The following APAF1 variants were observed in gnomAD, a reference collection of about 807,000 sequenced individuals.
The protein encoded by APAF1 is apoptotic peptidase activating factor 1.
In APAF1, 91 loss-of-function variants were observed where a neutral mutation model predicts 152.4. That is an observed-to-expected ratio of 0.60 (90% CI 0.50 to 0.71). APAF1 has a LOEUF of 0.71. Ranked by LOEUF, APAF1 falls within the 30% of genes least tolerant of loss-of-function variation. The pLI, the probability that APAF1 is intolerant of heterozygous loss-of-function variation, is 0.00. For synonymous variants in APAF1, 484 were observed against 494.1 expected (o/e 0.98, Z 0.27); for missense variants, 1,283 against 1,472.0 (o/e 0.87, Z 2.10).
intron 25 of APAF1, 93 bp from the exon 26 acceptor site, chr12:98,727,080 T>C: frequency 1.7e-6 from 2 of 1,188,790 alleles, no homozygotes; most frequent in Non-Finnish European, 2.4e-6. Context: ...GTAAAATAAT[T>C]TTAGAATACA....
intron 5 of APAF1, among the ~76,000 whole-genome samples, chr12:98,661,041 A>G (rs2097664448): frequency 6.6e-6 from 1 of 152,202 alleles, no homozygotes; most frequent in Non-Finnish European, 1.5e-5. Context: ...AGCTGGGACT[A>G]CAGGCTCCCC....
chr12:98,679,652 T>C (rs961833790), intron 13 of APAF1, among the ~76,000 whole-genome samples: 1 of 152,244 alleles, frequency 6.6e-6, no homozygotes, highest in African/African-American at 2.4e-5. Flanking sequence ...GCTAGGGCTG[T>C]GACTCCCTCT....
At chr12:98,658,774 C>G (rs1196678595) in intron 4 of APAF1, among the ~76,000 whole-genome samples, 2 of 152,104 alleles carry the variant, frequency 1.3e-5, no homozygotes, top group Admixed American at 1.3e-4. Flanking sequence ...ACCAAAAAGG[C>G]TGTTAAACAT....
chr12:98,698,121 T>G (rs1455125735), intron 16 of APAF1, among the ~76,000 whole-genome samples: 1 of 152,246 alleles, frequency 6.6e-6, no homozygotes, highest in African/African-American at 2.4e-5. Flanking sequence ...AATTTAGACA[T>G]GTATAATCAA....
intron 14 of APAF1, among the ~76,000 whole-genome samples, chr12:98,682,452 G>T (rs2097693461): frequency 6.6e-6 from 1 of 152,232 alleles, no homozygotes; most frequent in South Asian, 2.1e-4. Context: ...AGCTTGCAGG[G>T]TTAAGTGTCG....
At chr12:98,703,564 G>A in intron 18 of APAF1, 65 bp downstream of exon 18, 1 of 1,601,954 alleles carries the variant, frequency 6.2e-7, no homozygotes. Context: ...CAGAGAATGG[G>A]CAGCTTAAAC....
chr12:98,695,869 A>G lies in APAF1; in HGVS notation c.2305-3539A>G, dbSNP rs1336787072. ...CCTTTATCAGAAGGTACTGGGTGCC[A>G]GCACTTCCTGAGTCTTTTTGGAGTT... On this transcript the variant is annotated intron_variant, in intron 16 of 26. Transcript: ENST00000551964. Among the ~76,000 whole-genome samples the G allele has an allele frequency of 7.2e-5, 11 of 152,308 alleles. No individual in the cohort carries two copies. The East Asian group carries it at 2.1e-3, about 29-fold the overall frequency.
At chr12:98,681,612 G>A (rs2097692306) in intron 14 of APAF1, among the ~76,000 whole-genome samples, 1 of 152,082 alleles carries the variant, frequency 6.6e-6, no homozygotes. Flanking sequence ...CTGGAAGAGG[G>A]CTATGGAATG....
intron 18 of APAF1, 74 bp from the exon 19 acceptor site, chr12:98,706,411 G>T: frequency 6.8e-7 from 1 of 1,468,084 alleles, no homozygotes; most frequent in South Asian, 1.1e-5. Context: ...GCTCATTCTT[G>T]CTATTTTCAA....
intron 4 of APAF1, among the ~76,000 whole-genome samples, chr12:98,657,410 A>C (rs557573907): frequency 1.3e-4 from 20 of 152,312 alleles, no homozygotes; most frequent in African/African-American, 4.6e-4. Flanking sequence ...GAAGTGGAAT[A>C]GGTATTTGCT....
chr12:98,686,093 G>A (rs1352985037), intron 15 of APAF1, among the ~76,000 whole-genome samples: 1 of 152,036 alleles, frequency 6.6e-6, no homozygotes, highest in East Asian at 1.9e-4. Flanking sequence ...AATATACTTG[G>A]TCCATGTTCA....
At chr12:98,699,718 C>T in intron 17 of APAF1, 149 bp downstream of exon 17, 1 of 851,140 alleles carries the variant, frequency 1.2e-6, no homozygotes, top group East Asian at 2.7e-5. Context: ...TTCTTTGGAA[C>T]TGTGCTCCGT....
intron 12 of APAF1, among the ~76,000 whole-genome samples, chr12:98,677,222 A>G (rs1205031016): frequency 6.6e-6 from 1 of 152,134 alleles, no homozygotes; most frequent in African/African-American, 2.4e-5. Flanking sequence ...AAAGGGTAAC[A>G]TTTCTCTTAC....
chr12:98,669,211 A>G (rs2097677092), intron 10 of APAF1, among the ~76,000 whole-genome samples: 1 of 152,150 alleles, frequency 6.6e-6, no homozygotes, highest in African/African-American at 2.4e-5. Context: ...TGTAATGAGC[A>G]TTCTTGTTTA....
rs758691720 is a variant in APAF1, at chr12:98,648,715, A to T, written c.228A>T (p.Leu76=). ...DSYVSFYNAL[L]HEGYKDLAAL... ...ACGTATCATTCTACAATGCTCTACT[A>T]CATGAAGGATATAAAGATCTTGCTG... is the stretch of plus-strand genomic sequence containing the variant. Residue 76 remains leucine (L), a synonymous_variant, in exon 3 of 27, where the codon CTA becomes CTT. Transcript: ENST00000551964. 1 of 1,613,750 alleles carries T rather than the reference A, an allele frequency of 6.2e-7. No homozygotes were observed. Among genetic ancestry groups the T allele is most frequent in the South Asian group, 1.1e-5 (1 of 91,078 alleles).
At chr12:98,679,809 CCCGCTGCAGCAGTCAGCACGTCTGTGCG>C (rs2097690446) in intron 13 of APAF1, among the ~76,000 whole-genome samples, 1 of 152,270 alleles carries the variant, frequency 6.6e-6, no homozygotes, top group Non-Finnish European at 1.5e-5. Context: ...AGCTGCCTGC[CCCGCTGCAGCAGTCAGCACGTCTGTGCG>C]CAGTGGCTGG....
intron 4 of APAF1, among the ~76,000 whole-genome samples, chr12:98,653,392 C>G (rs896288365): frequency 6.6e-6 from 1 of 151,528 alleles, no homozygotes; most frequent in Non-Finnish European, 1.5e-5. Flanking sequence ...TGTGGTGGCT[C>G]GTGCCTGTAA....
intron 16 of APAF1, among the ~76,000 whole-genome samples, chr12:98,693,141 C>G (rs2097706167): frequency 6.6e-6 from 1 of 150,490 alleles, no homozygotes; most frequent in Non-Finnish European, 1.5e-5. Flanking sequence ...TCTTTGACTT[C>G]TTTGGTTAGA....
chr12:98,709,308 G>C (rs2097725228), intron 20 of APAF1, among the ~76,000 whole-genome samples: 1 of 152,164 alleles, frequency 6.6e-6, no homozygotes, highest in African/African-American at 2.4e-5. Flanking sequence ...ACTCTAGTCT[G>C]TTCTCCTTCT....
Sources: allele counts gnomAD v4.1 joint callset (sites outside exome capture counted in the v4.1 genomes callset), GRCh38; gene constraint gnomAD v4.1.1; transcripts MANE v1.5; gene names NCBI Gene and HGNC (gene_info 2026-07-23, HGNC 2026-07-21).